Variants in MORC1 observed in about 807,000 individuals in gnomAD.
MORC1 encodes the protein MORC family CW-type zinc finger protein 1.
A neutral mutation model predicts 134.9 loss-of-function variants in MORC1; 59 were observed. The ratio of observed to expected loss-of-function variants is 0.44; its 90% CI spans 0.35 to 0.54. The LOEUF (loss-of-function observed/expected upper bound fraction) is 0.54. Among genes scored for constraint, MORC1 ranks in the 20% least tolerant of loss-of-function variants. The pLI is 0.00. For missense variants in MORC1, 947 were observed against 1,134.5 expected, an observed-to-expected ratio of 0.83 and a Z score of 2.37; for synonymous variants, 395 against 391.7, an observed-to-expected ratio of 1.01 and a Z score of -0.10.
At chr3:109,116,511 C>T (rs1951277717) in intron 1 of MORC1, among the ~76,000 whole-genome samples, 1 of 152,224 alleles carries the variant, frequency 6.6e-6, no homozygotes, top group Non-Finnish European at 1.5e-5. Flanking sequence ...TGGCTCATGA[C>T]TGTAATCCCA....
At chr3:108,968,288 C>A (rs1299116635) in intron 26 of MORC1, among the ~76,000 whole-genome samples, 1 of 152,130 alleles carries the variant, frequency 6.6e-6, no homozygotes. Flanking sequence ...TAATGGGAGA[C>A]CAATAATTAC....
intron 17 of MORC1, among the ~76,000 whole-genome samples, chr3:109,024,790 A>C (rs1248772556): frequency 2.0e-5 from 3 of 152,220 alleles, no homozygotes; most frequent in African/African-American, 7.2e-5. Context: ...GAATCATAGT[A>C]ATAAACTAGC....
intron 27 of MORC1, 129 bp from the exon 28 acceptor site, chr3:108,959,249 T>C (rs1363574182): frequency 1.4e-6 from 1 of 691,238 alleles, no homozygotes; most frequent in Non-Finnish European, 2.2e-6. Context: ...ATTTGAATCA[T>C]GCTTTTAACC....
At chr3:109,007,451 C>T (rs941483015) in intron 17 of MORC1, among the ~76,000 whole-genome samples, 1 of 152,140 alleles carries the variant, frequency 6.6e-6, no homozygotes, top group Non-Finnish European at 1.5e-5. Flanking sequence ...GAATTCTGAC[C>T]TTAGGCAGTA....
chr3:109,059,693 C>A, intron 12 of MORC1, 113 bp downstream of exon 12: 1 of 786,082 alleles, frequency 1.3e-6, no homozygotes, highest in Non-Finnish European at 2.0e-6. Flanking sequence ...TATAAGATGT[C>A]ACAAGCTGAA....
intron 24 of MORC1, among the ~76,000 whole-genome samples, chr3:108,974,647 T>C (rs1381244338): frequency 2.6e-5 from 4 of 152,228 alleles, no homozygotes. Flanking sequence ...AGTGCTGCCA[T>C]TTCAATGGGA....
rs1192423188 is a variant in MORC1, at chr3:108,963,579, T to C, written c.2634A>G (p.Glu878=). The change falls in exon 27 of 28, where the codon GAA becomes GAG. Residue 878 remains glutamate (E), a synonymous_variant. Coordinates refer to ENST00000232603, the MANE Select transcript of MORC1 (RefSeq NM_014429.4). ...QIQNTYMVQY[E]KKIKRKLQSI... The stretch of plus-strand genomic sequence containing the variant: ...ACTGCAATTTCCTCTTTATTTTTTT[T>C]TCATATTGGACCATGTAAGTATTCT... 1 of 1,581,954 alleles carries C rather than the reference T, an allele frequency of 6.3e-7. No homozygotes were observed.
intron 17 of MORC1, among the ~76,000 whole-genome samples, chr3:109,026,132 A>G (rs1949068376): frequency 6.6e-6 from 1 of 152,220 alleles, no homozygotes; most frequent in Non-Finnish European, 1.5e-5. Flanking sequence ...CCACAAAAGC[A>G]GGGTCAGTTA....
At chr3:109,009,722 AT>A (rs113419473) in intron 17 of MORC1, among the ~76,000 whole-genome samples, 120 of 149,646 alleles carry the variant, frequency 8.0e-4, no homozygotes, top group Middle Eastern at 6.9e-3. Context: ...AGGAATCTAT[AT>A]TTTTTTTTTA....
At chr3:108,977,608 C>T (rs1252062601) in intron 24 of MORC1, among the ~76,000 whole-genome samples, 1 of 152,126 alleles carries the variant, frequency 6.6e-6, no homozygotes, top group Admixed American at 6.5e-5. Context: ...TTTAATGATA[C>T]TCACATTTAT....
chr3:108,979,252 A>G (rs1015692386), intron 24 of MORC1, among the ~76,000 whole-genome samples: 1 of 152,250 alleles, frequency 6.6e-6, no homozygotes, highest in African/African-American at 2.4e-5. Flanking sequence ...AAGAAAATTC[A>G]GTAAAAATTA....
chr3:109,059,862 T>G lies in MORC1; in HGVS notation c.975A>C (p.Leu325Phe). 1 of 1,612,044 alleles carries G rather than the reference T, an allele frequency of 6.2e-7. No individual in the cohort carries two copies. Among genetic ancestry groups the G allele is most frequent in the Non-Finnish European group, 8.5e-7 (1 of 1,179,056 alleles). The change falls in exon 12 of 28, where the codon TTA becomes TTC. Residue 325 changes from leucine to phenylalanine, a missense_variant. This residue lies in a region of MORC1 where 722 missense variants were observed against 817.0 expected (regional missense o/e 0.88). Coordinates refer to ENST00000232603, the MANE Select transcript of MORC1 (RefSeq NM_014429.4). ...CTTCTACATCTTCCAAAGCTCTCTG[T>G]AATACATCCTGGAGAAATGCATTGG... Reference protein sequence around the residue: ...RTSLSSAKDVLQRALEDVEAK... With the variant: ...RTSLSSAKDVFQRALEDVEAK...
chr3:108,990,979 A>G lies in MORC1; in HGVS notation c.2188-4030T>C, dbSNP rs149305910. On this transcript the variant is annotated intron_variant, in intron 21 of 27. Transcript: ENST00000232603. ...TTTATATGACCTGATATTATATTAC[A>G]TATTTATACTTTTATTTATTTAATA... Among the ~76,000 whole-genome samples the G allele has an allele frequency of 2.1e-3, 320 of 152,132 alleles. 3 individuals carry two copies. The highest frequency in any genetic ancestry group is 3.5e-3 in the Non-Finnish European group (237 of 67,990).
At chr3:108,968,663 G>C (rs531669822) in intron 26 of MORC1, among the ~76,000 whole-genome samples, 1 of 152,342 alleles carries the variant, frequency 6.6e-6, no homozygotes, top group South Asian at 2.1e-4. Context: ...GGAAGGGCCA[G>C]TCACCTCTCA....
At chr3:108,962,520 C>T (rs954374209) in intron 27 of MORC1, among the ~76,000 whole-genome samples, 6 of 152,074 alleles carry the variant, frequency 3.9e-5, no homozygotes, top group African/African-American at 1.4e-4. Flanking sequence ...TCTAGCCAAT[C>T]CTCCATAAGG....
chr3:109,053,829 T>C (rs1211033534), intron 14 of MORC1, among the ~76,000 whole-genome samples: 1 of 152,260 alleles, frequency 6.6e-6, no homozygotes, highest in Non-Finnish European at 1.5e-5. Flanking sequence ...AATCTCATTG[T>C]TCAGGTGTCT....
At chr3:108,983,477 G>A (rs1232361151) in intron 23 of MORC1, among the ~76,000 whole-genome samples, 4 of 152,162 alleles carry the variant, frequency 2.6e-5, no homozygotes, top group Admixed American at 2.6e-4. Context: ...TGACTTGTCA[G>A]AAATGAGATG....
At position 109,033,145 on chromosome 3, in the gene MORC1, T is replaced by C. The variant is rs1296097612; in HGVS notation, c.1460-320A>G. 7.2e-5 allele frequency among the ~76,000 whole-genome samples: 11 copies of C among 152,220 alleles called. No individual in the cohort carries two copies. The South Asian group carries it at 2.1e-3, about 29-fold the overall frequency. ...ATTAATAATTTCAGTGACTTGACTCTCCCATTTTCTCTGACCTACTACCTG... is the reference window on the plus strand; with the variant it reads ...ATTAATAATTTCAGTGACTTGACTCCCCCATTTTCTCTGACCTACTACCTG... On this transcript the variant is annotated intron_variant, in intron 15 of 27. Coordinates refer to ENST00000232603, the MANE Select transcript of MORC1 (RefSeq NM_014429.4).
chr3:108,967,131 C>T (rs1167859186), intron 26 of MORC1, among the ~76,000 whole-genome samples: 8 of 152,110 alleles, frequency 5.3e-5, no homozygotes, highest in Non-Finnish European at 1.2e-4. Context: ...CTGTTTATCT[C>T]GCTTTGATTT....
Sources: gnomAD v4.1 joint callset for allele counts (sites outside exome capture counted in the v4.1 genomes callset) on GRCh38, gnomAD v4.1.1 for gene constraint, gnomAD v4.1.1 regional missense constraint, MANE v1.5 for transcripts, NCBI Gene and HGNC (gene_info 2026-07-23, HGNC 2026-07-21) for gene names.